Variants in RESF1 observed in about 807,000 individuals in gnomAD.
The protein encoded by RESF1 is retroelement silencing factor 1.
Under a neutral mutation model 134.7 loss-of-function variants are expected in RESF1, and 65 were observed. That is an observed-to-expected ratio of 0.48 (90% CI 0.40 to 0.59). The LOEUF is 0.59. Ranked by LOEUF, RESF1 falls within the 20% of genes least tolerant of loss-of-function variation. The pLI is 0.00. For synonymous variants in RESF1, 762 were observed against 702.2 expected, an observed-to-expected ratio of 1.09 and a Z score of -1.35; for missense variants, 2,274 against 2,002.7, an observed-to-expected ratio of 1.14 and a Z score of -2.59.
rs998720279 is a variant in RESF1 at position 31,959,870 on chromosome 12, G to A, written c.-342+379G>A. The stretch of plus-strand genomic sequence containing the variant: ...AGTGGCGAAGGCTAGGACGCATTTT[G>A]TCGAACTGCGAGGCGCGGCTGGTGA... On this transcript the variant is annotated intron_variant, in intron 1 of 5. Transcript: ENST00000312561. 1.4e-4 allele frequency: 21 copies of A among 152,428 alleles called. No individual in the cohort carries two copies. In the East Asian group the frequency reaches 3.3e-3, roughly 24 times the overall value. The allele number at this position is 152,428 out of a possible 1,614,324, so 9.4% of individuals were successfully genotyped here.
At chr12:31,972,759 T>G (rs1213884392) in intron 3 of RESF1, among the ~76,000 whole-genome samples, 7 of 152,228 alleles carry the variant, frequency 4.6e-5, no homozygotes, top group Admixed American at 4.6e-4. Flanking sequence ...TTGCTTGTTA[T>G]GTGGGGTGAG....
intron 1 of RESF1, 144 bp from the exon 2 acceptor site, chr12:31,960,633 C>T (rs752743122): frequency 1.3e-5 from 2 of 152,184 alleles, no homozygotes; most frequent in East Asian, 1.9e-4. Flanking sequence ...ATTTCTGTTA[C>T]TTAGGACACT....
At chr12:31,992,118 A>G (rs187765109) in intron 5 of RESF1, among the ~76,000 whole-genome samples, 4 of 152,324 alleles carry the variant, frequency 2.6e-5, no homozygotes, top group Admixed American at 2.6e-4. Flanking sequence ...GCCAAGAGTA[A>G]GGTAGAACAG....
intron 5 of RESF1, among the ~76,000 whole-genome samples, chr12:31,987,838 C>T (rs909678754): frequency 2.6e-5 from 4 of 152,028 alleles, no homozygotes; most frequent in East Asian, 1.9e-4. Context: ...CAGGTTCAAG[C>T]GATTTTCTCC....
intron 2 of RESF1, chr12:31,962,690 A>C (rs1320384135): frequency 4.6e-5 from 7 of 152,262 alleles, no homozygotes; most frequent in South Asian, 4.1e-4. Context: ...AAAATGACAA[A>C]GTGTATTAAA....
In RESF1 at chr12:31,992,586, GTTCAAAATAT is replaced by G; in HGVS notation, c.*55_*64del. On this transcript the variant is annotated 3_prime_UTR_variant, in exon 6 of 6. Coordinates refer to ENST00000312561, the MANE Select transcript of RESF1 (RefSeq NM_018169.4). ...CACTGGGAAATTTCTTTCCTTTTCT[GTTCAAAATAT>G]TTCGCTGAAACTAATGAGAAATGCC... 1 of 1,543,568 alleles carries G rather than the reference GTTCAAAATAT, an allele frequency of 6.5e-7. No individual in the cohort carries two copies. Among genetic ancestry groups the G allele is most frequent in the Non-Finnish European group, 8.9e-7 (1 of 1,125,220 alleles).
In RESF1 at chr12:31,992,380, A is replaced by G. The variant is rs759229107; in HGVS notation, c.5089A>G (p.Asn1697Asp). 12 of 1,607,226 alleles carry G rather than the reference A, an allele frequency of 7.5e-6. No homozygotes were observed. Among genetic ancestry groups the G allele is most frequent in the Non-Finnish European group, 8.5e-7 (1 of 1,176,772 alleles). The change falls in exon 6 of 6, where the codon AAT (asparagine) becomes GAT (aspartate). Residue 1697 changes from asparagine to aspartate, a missense_variant and splice_region_variant. By Grantham distance (23) the Asn-to-Asp change is conservative. Coordinates refer to ENST00000312561, the MANE Select transcript of RESF1 (RefSeq NM_018169.4). Reference protein sequence around the residue: ...RTQKDSQERDNVNSRLSKRSF... With the variant: ...RTQKDSQERDDVNSRLSKRSF... ...AGTAAAGTTTTTATTTCCCTTAGATAATGTTAATTCAAGACTCTCGAAGAG... is the reference window on the plus strand; with the variant it reads ...AGTAAAGTTTTTATTTCCCTTAGATGATGTTAATTCAAGACTCTCGAAGAG...
chr12:31,984,137 A>G lies in RESF1; in HGVS notation c.3182A>G (p.Glu1061Gly), dbSNP rs749801233. 6 of 1,612,520 alleles carry G rather than the reference A, an allele frequency of 3.7e-6. No individual in the cohort carries two copies. The highest frequency in any genetic ancestry group is 4.2e-6 in the Non-Finnish European group (5 of 1,179,604). ...GACCAGCTGTCAGAACTTCTAAAAG[A>G]GTTTCCTTATGGCATTGAGGCTGTG... ...LHDQLSELLKEFPYGIEAVNT... is the reference protein window; with the variant it reads ...LHDQLSELLKGFPYGIEAVNT... The change falls in exon 4 of 6, where the codon GAG (glutamate) becomes GGG (glycine). Residue 1061 changes from glutamate (E) to glycine (G), a missense_variant. Transcript: ENST00000312561.
chr12:31,963,137 A>G (rs1462559370), intron 2 of RESF1, among the ~76,000 whole-genome samples: 1 of 152,120 alleles, frequency 6.6e-6, no homozygotes, highest in Non-Finnish European at 1.5e-5. Flanking sequence ...AGGCCAAGGC[A>G]GGTGGATCAT....
In RESF1 at chr12:31,983,402, T is replaced by C. The variant is rs1391288670; in HGVS notation, c.2447T>C (p.Val816Ala). The C allele has an allele frequency of 1.2e-6, 2 of 1,614,066 alleles. No homozygotes were observed. Among genetic ancestry groups the C allele is most frequent in the Admixed American group, 1.7e-5 (1 of 60,026 alleles). ...GCAAAGGCAACTGCTGCTTTGAAAG[T>C]TGATGTTAGTGGACCAGTAGCAAGT... is the stretch of plus-strand genomic sequence containing the variant. ...ENAKATAALK[V>A]DVSGPVASTA... Residue 816 changes from valine to alanine, a missense_variant, in exon 4 of 6, where the codon GTT becomes GCT. Val to Ala is a moderately conservative substitution (Grantham distance 64). Transcript: ENST00000312561.
chr12:31,983,161 A>G lies in RESF1; in HGVS notation c.2206A>G (p.Thr736Ala), dbSNP rs749606710. 6.2e-7 allele frequency: 1 copy of G among 1,611,650 alleles called. No homozygotes were observed. Among genetic ancestry groups the G allele is most frequent in the East Asian group, 2.2e-5 (1 of 44,870 alleles). ...TAAAATAAGTAATCCCTCACAGCAG[A>G]CAGCTTTGTCGATGGTAATGCACAA... Reference protein sequence around the residue: ...QNKISNPSQQTALSMVMHNYE... With the variant: ...QNKISNPSQQAALSMVMHNYE... The change falls in exon 4 of 6, where the codon ACA becomes GCA. Residue 736 changes from threonine to alanine, a missense_variant. Transcript: ENST00000312561.
intron 1 of RESF1, chr12:31,959,937 C>A (rs1232518261): frequency 6.6e-6 from 1 of 151,974 alleles, no homozygotes. Context: ...TAAGGCTTTC[C>A]TGTCGCTGGA....
chr12:31,964,290 C>T (rs1402193884), intron 2 of RESF1, among the ~76,000 whole-genome samples: 1 of 151,802 alleles, frequency 6.6e-6, no homozygotes, highest in Non-Finnish European at 1.5e-5. Flanking sequence ...TCCTCTCCCT[C>T]CTCCCACGCT....
Position 31,983,171 on chromosome 12 carries a change from C to T in RESF1, c.2216C>T (p.Ser739Leu), listed in dbSNP as rs772091138. The change falls in exon 4 of 6, where the codon TCG (serine) becomes TTG (leucine). Residue 739 changes from serine (S) to leucine (L), a missense_variant. Ser to Leu is a moderately radical substitution (Grantham distance 145). Transcript: ENST00000312561. The stretch of plus-strand genomic sequence containing the variant: ...AATCCCTCACAGCAGACAGCTTTGT[C>T]GATGGTAATGCACAATTATGAGTCT... Reference protein sequence around the residue: ...ISNPSQQTALSMVMHNYESSG... With the variant: ...ISNPSQQTALLMVMHNYESSG... 5.6e-6 allele frequency: 9 copies of T among 1,611,348 alleles called. No homozygotes were observed. Among genetic ancestry groups the T allele is most frequent in the East Asian group, 2.2e-5 (1 of 44,872 alleles).
In RESF1 at chr12:31,981,722, T is replaced by A. The variant is rs1327582368; in HGVS notation, c.767T>A (p.Leu256Ter). The change falls in exon 4 of 6, where the codon TTA (leucine) becomes TAA (stop). Residue 256 changes from leucine to a stop codon, truncating the protein, a stop_gained. Transcript: ENST00000312561. LOFTEE classifies it high-confidence loss of function. ...CAGCTTCTAAATTCTGTATTAACTT[T>A]ACCATCAAGGCAGACCTCAGCTGTA... ...NSQLLNSVLT[L>*]PSRQTSAVPS... 6.2e-7 allele frequency: 1 copy of A among 1,613,738 alleles called. No individual in the cohort carries two copies. Among genetic ancestry groups the A allele is most frequent in the South Asian group, 1.1e-5 (1 of 91,082 alleles).
Position 31,987,333 on chromosome 12 carries a change from CTTTTT to C in RESF1, c.5086+12_5086+16del, listed in dbSNP as rs1228998928. 1 of 1,482,042 alleles carries C rather than the reference CTTTTT, an allele frequency of 6.7e-7. No individual in the cohort carries two copies. The highest frequency in any genetic ancestry group is 9.4e-7 in the Non-Finnish European group (1 of 1,066,352). 91.8% of individuals were successfully genotyped at this position (1,482,042 alleles called of 1,614,324 possible). A position where few individuals can be genotyped will look rare whatever the true frequency, so the allele number is the denominator to read the frequency against. ...ACAGCCAAGAGAGAGGTAAAGTCAT[CTTTTT>C]AAATCTTCATTCACTTATCTCCCTA... On this transcript the variant is annotated intron_variant, in intron 5 of 5. Transcript: ENST00000312561.
In RESF1 at chr12:31,985,073, A is replaced by T. The variant is rs539182258; in HGVS notation, c.4118A>T (p.Gln1373Leu). The change falls in exon 4 of 6, where the codon CAA (glutamine) becomes CTA (leucine). Residue 1373 changes from glutamine to leucine, a missense_variant. Physicochemically the swap from Gln to Leu is moderately radical, Grantham distance 113. Coordinates refer to ENST00000312561, the MANE Select transcript of RESF1 (RefSeq NM_018169.4). The part of the protein sequence containing the change: ...KLKLKSVSFK[Q>L]KRKLDQGNVL... The stretch of plus-strand genomic sequence containing the variant: ...AAACTCAAATCAGTTAGCTTCAAAC[A>T]AAAACGAAAGTTAGACCAAGGGAAC... 8 of 1,572,220 alleles carry T rather than the reference A, an allele frequency of 5.1e-6. No individual in the cohort carries two copies. In the South Asian group the frequency reaches 9.6e-5, roughly 19 times the overall value.
intron 3 of RESF1, among the ~76,000 whole-genome samples, chr12:31,975,127 A>G (rs1939600813): frequency 6.6e-6 from 1 of 151,780 alleles, no homozygotes; most frequent in Non-Finnish European, 1.5e-5. Context: ...ATAAAAAATG[A>G]GTCAGGCATG....
rs2120847337 is a variant in RESF1, at chr12:31,981,448, C to T, written c.493C>T (p.Gln165Ter). 1 of 1,614,076 alleles carries T rather than the reference C, an allele frequency of 6.2e-7. No homozygotes were observed. The highest frequency in any genetic ancestry group is 2.2e-5 in the East Asian group (1 of 44,888). Residue 165 changes from glutamine (Q) to a stop codon, truncating the protein, a stop_gained, in exon 4 of 6, where the codon CAA (glutamine) becomes TAA (stop). Transcript: ENST00000312561. LOFTEE classifies it high-confidence loss of function. ...GATAACATCAGATACCTATTCTATG[C>T]AAATGCAGATGATCCCTTCTAATTC... ...QLITSDTYSM[Q>*]MQMIPSNSTR...
Sources: gnomAD v4.1 joint callset for allele counts (sites outside exome capture counted in the v4.1 genomes callset) on GRCh38, gnomAD v4.1.1 for gene constraint, MANE v1.5 for transcripts, NCBI Gene and HGNC (gene_info 2026-07-23, HGNC 2026-07-21) for gene names.